PCLO: variants seen among roughly 807,000 people sequenced by gnomAD.
PCLO encodes protein piccolo.
Under a neutral mutation model 427.5 loss-of-function variants are expected in PCLO, and 82 were observed. That is an observed-to-expected ratio of 0.19 (90% CI 0.16 to 0.23). The LOEUF (loss-of-function observed/expected upper bound fraction) is 0.23. PCLO is among the 10% of genes least tolerant of loss of function. The pLI is 1.00. For missense variants in PCLO, 6,239 were observed against 6,115.9 expected (o/e 1.02, Z -0.67); for synonymous variants, 2,357 against 2,155.4 (o/e 1.09, Z -2.59).
chr7:83,141,385 C>T (rs1323286896), intron 2 of PCLO, among the ~76,000 whole-genome samples: 1 of 152,200 alleles, frequency 6.6e-6, no homozygotes, highest in East Asian at 1.9e-4. Context: ...TATAGCCTTA[C>T]TTACAGAAGG....
At chr7:83,033,416 G>C (rs558172525) in intron 3 of PCLO, among the ~76,000 whole-genome samples, 140 of 152,212 alleles carry the variant, frequency 9.2e-4, no homozygotes, top group Non-Finnish European at 1.3e-3. Flanking sequence ...TCTGTTATTT[G>C]TATGGCATGT....
At chr7:83,139,372 A>C (rs1791809764) in intron 2 of PCLO, among the ~76,000 whole-genome samples, 1 of 152,192 alleles carries the variant, frequency 6.6e-6, no homozygotes, top group Non-Finnish European at 1.5e-5. Context: ...GTTTCTTTGC[A>C]ATCTGAACAT....
chr7:82,840,973 T>C (rs1792351922), intron 14 of PCLO, among the ~76,000 whole-genome samples: 1 of 151,102 alleles, frequency 6.6e-6, no homozygotes, highest in Non-Finnish European at 1.5e-5. Context: ...TTTTTCTTTA[T>C]CTATTTTTAT....
chr7:82,930,903 C>T (rs1049147556), intron 6 of PCLO, among the ~76,000 whole-genome samples: 1 of 152,026 alleles, frequency 6.6e-6, no homozygotes, highest in Non-Finnish European at 1.5e-5. Context: ...CTATGGAACA[C>T]CATTGAACAG....
chr7:83,096,827 A>AT lies in PCLO; in HGVS notation c.3300+37422_3300+37423insA, dbSNP rs1211110805. Among the ~76,000 whole-genome samples, 57 of 55,686 alleles carry AT rather than the reference A, an allele frequency of 1.0e-3. 9 individuals carry two copies. The highest frequency in any genetic ancestry group is 1.9e-3 in the African/African-American group (23 of 12,382). 36.5% of individuals were successfully genotyped at this position (55,686 alleles called of 152,430 possible). A position where few individuals can be genotyped will look rare whatever the true frequency, so the allele number is the denominator to read the frequency against. On this transcript the variant is annotated intron_variant, in intron 3 of 24. Coordinates refer to ENST00000333891, the MANE Select transcript of PCLO (RefSeq NM_033026.6). ...TTAATATTATATAATATAAATATATAAAAATATATTATATAATATAAATAT... is the reference window on the plus strand; with the variant it reads ...TTAATATTATATAATATAAATATATATAAAATATATTATATAATATAAATAT...
At chr7:83,073,731 T>C (rs573921913) in intron 3 of PCLO, among the ~76,000 whole-genome samples, 29 of 151,820 alleles carry the variant, frequency 1.9e-4, no homozygotes, top group African/African-American at 5.1e-4. Context: ...GAAATTCAGT[T>C]TTATTTTTAA....
chr7:82,825,177 T>G lies in PCLO; in HGVS notation c.14416-761A>C, dbSNP rs1212279070. Among the ~76,000 whole-genome samples, 3 of 152,156 alleles carry G rather than the reference T, an allele frequency of 2.0e-5. 1 individual carries two copies. The highest frequency in any genetic ancestry group is 6.6e-5 in the Admixed American group (1 of 15,266). ...TTTGTCATGGTTTAATTGGCAACTT[T>G]TTTTTTCTTAGTACATTGGTGCATT... is the stretch of plus-strand genomic sequence containing the variant. On this transcript the variant is annotated intron_variant, in intron 18 of 24. Transcript: ENST00000333891.
Position 82,956,825 on chromosome 7 carries a change from T to G in PCLO, c.4128A>C (p.Glu1376Asp), listed in dbSNP as rs751436306. Residue 1376 changes from glutamate (E) to aspartate (D), a missense_variant, in exon 5 of 25, where the codon GAA becomes GAC. Physicochemically the swap from Glu to Asp is conservative, Grantham distance 45 (BLOSUM62 2). Transcript: ENST00000333891. ...CATCAGTTGGAATAAGACTTGGAAT[T>G]TCACCAAGTGAGCTTGATATTCCAT... is the stretch of plus-strand genomic sequence containing the variant. ...SSDGISSSLG[E>D]IPSLIPTDEK... is the part of the protein sequence containing the mutation. 1 of 1,613,498 alleles carries G rather than the reference T, an allele frequency of 6.2e-7. No homozygotes were observed. Among genetic ancestry groups the G allele is most frequent in the Non-Finnish European group, 8.5e-7 (1 of 1,179,464 alleles).
In PCLO at chr7:82,754,761, C is replaced by T. The variant is rs1046246399; in HGVS notation, c.*3814G>A. The T allele has an allele frequency of 6.6e-6, 1 of 151,934 alleles. No individual in the cohort carries two copies. The highest frequency in any genetic ancestry group is 1.5e-5 in the Non-Finnish European group (1 of 67,934). The allele number at this position is 151,934 out of a possible 1,614,324, so 9.4% of individuals were successfully genotyped here. ...TTCACTCATTCATTACTGTATTACA[C>T]CCAAGGCAAGTAATTATTAAATAAA... On this transcript the variant is annotated 3_prime_UTR_variant, in exon 25 of 25. Coordinates refer to ENST00000333891, the MANE Select transcript of PCLO (RefSeq NM_033026.6).
chr7:82,918,640 CA>C lies in PCLO; in HGVS notation c.11113-1768del, dbSNP rs536877145. On this transcript the variant is annotated intron_variant, in intron 6 of 24. Coordinates refer to ENST00000333891, the MANE Select transcript of PCLO (RefSeq NM_033026.6). ...TCAGTCCTCTGATTATAACGTTGTT[CA>C]ACAGGAGGCTGAAAACTACATACTA... Among the ~76,000 whole-genome samples the C allele has an allele frequency of 1.8e-3, 275 of 152,050 alleles. 2 individuals are homozygous for C. Among genetic ancestry groups the C allele is most frequent in the African/African-American group, 6.2e-3 (257 of 41,526 alleles).
chr7:82,806,929 T>A (rs1039809550), intron 20 of PCLO, among the ~76,000 whole-genome samples: 1 of 148,698 alleles, frequency 6.7e-6, no homozygotes, highest in Admixed American at 6.8e-5. Flanking sequence ...GCTTAAATAG[T>A]CTTTGACAAT....
intron 3 of PCLO, among the ~76,000 whole-genome samples, chr7:83,028,964 G>T (rs1486973880): frequency 6.6e-6 from 1 of 151,920 alleles, no homozygotes; most frequent in African/African-American, 2.4e-5. Context: ...AATTCAAGAT[G>T]GATTAAAGAC....
At chr7:82,778,074 AGG>A (rs1790791273) in intron 22 of PCLO, among the ~76,000 whole-genome samples, 1 of 152,216 alleles carries the variant, frequency 6.6e-6, no homozygotes, top group Non-Finnish European at 1.5e-5. Context: ...TTACAAGCAA[AGG>A]CAAACAACCC....
intron 3 of PCLO, among the ~76,000 whole-genome samples, chr7:82,978,183 A>T (rs2115752347): frequency 6.8e-6 from 1 of 146,854 alleles, no homozygotes; most frequent in African/African-American, 2.5e-5. Flanking sequence ...CCCGGCAAAA[A>T]CTCTGTATGA....
chr7:82,825,148 A>G (rs1791903420), intron 18 of PCLO, among the ~76,000 whole-genome samples: 1 of 152,052 alleles, frequency 6.6e-6, no homozygotes, highest in African/African-American at 2.4e-5. Flanking sequence ...TATGACTACC[A>G]CATTTTGTCA....
intron 9 of PCLO, among the ~76,000 whole-genome samples, chr7:82,899,382 CA>C (rs1162088122): frequency 6.6e-6 from 1 of 151,348 alleles, no homozygotes; most frequent in Admixed American, 6.6e-5. Flanking sequence ...CAGACATTGT[CA>C]AAGACTGTAA....
intron 3 of PCLO, among the ~76,000 whole-genome samples, chr7:83,085,008 T>C (rs1264151396): frequency 6.6e-6 from 1 of 152,122 alleles, no homozygotes; most frequent in African/African-American, 2.4e-5. Context: ...AACAAAATCA[T>C]ACCTAGAATA....
intron 20 of PCLO, chr7:82,820,865 C>A: frequency 2.4e-6 from 3 of 1,231,020 alleles, no homozygotes; most frequent in Non-Finnish European, 2.0e-6. Context: ...TATTGTTAAT[C>A]TATTTCCCAA....
At chr7:82,805,933 C>G (rs1791449150) in intron 20 of PCLO, 104 bp from the exon 21 acceptor site, 2 of 1,129,688 alleles carry the variant, frequency 1.8e-6, no homozygotes, top group Non-Finnish European at 2.5e-6. Context: ...TGACAAGAAA[C>G]AGCTACTGAA....
Sources: gnomAD v4.1 joint callset for allele counts (sites outside exome capture counted in the v4.1 genomes callset) on GRCh38, gnomAD v4.1.1 for gene constraint, MANE v1.5 for transcripts, NCBI Gene and HGNC (gene_info 2026-07-23, HGNC 2026-07-21) for gene names.